SSBP2: variants seen among roughly 807,000 people sequenced by gnomAD.
SSBP2 encodes single-stranded DNA-binding protein 2.
Under a neutral mutation model 61.8 loss-of-function variants are expected in SSBP2, and 17 were observed. The observed-to-expected ratio is 0.28, with a 90% confidence interval of 0.19 to 0.41. SSBP2 has a LOEUF of 0.41. SSBP2 is among the 10% of genes least tolerant of loss of function. The pLI is 1.00. For missense variants in SSBP2, 310 were observed against 458.7 expected, an observed-to-expected ratio of 0.68 and a Z score of 2.96; for synonymous variants, 139 against 141.3, an observed-to-expected ratio of 0.98 and a Z score of 0.12.
intron 6 of SSBP2, among the ~76,000 whole-genome samples, chr5:81,478,172 AT>A (rs1246515472): frequency 6.6e-6 from 1 of 151,800 alleles, no homozygotes; most frequent in African/African-American, 2.4e-5. Context: ...ACTTTTTTTT[AT>A]TTTTTAGAGA....
chr5:81,499,670 A>T (rs181683299), intron 5 of SSBP2, among the ~76,000 whole-genome samples: 54 of 152,356 alleles, frequency 3.5e-4, no homozygotes, highest in African/African-American at 1.2e-3. Context: ...AAAAAATAAC[A>T]GTTTGGGTAA....
intron 4 of SSBP2, among the ~76,000 whole-genome samples, chr5:81,584,410 C>T (rs1774912257): frequency 6.6e-6 from 1 of 152,164 alleles, no homozygotes; most frequent in African/African-American, 2.4e-5. Context: ...TAACTCTTAT[C>T]AGTACAAAGA....
intron 4 of SSBP2, among the ~76,000 whole-genome samples, chr5:81,602,444 GA>G (rs957362079): frequency 1.3e-5 from 2 of 152,080 alleles, no homozygotes; most frequent in Admixed American, 1.3e-4. Flanking sequence ...ATTATTAGAA[GA>G]CCTTTTGTTT....
At chr5:81,738,863 G>A (rs1170842155) in intron 1 of SSBP2, among the ~76,000 whole-genome samples, 2 of 152,028 alleles carry the variant, frequency 1.3e-5, no homozygotes, top group Non-Finnish European at 2.9e-5. Flanking sequence ...TAACTTTTCT[G>A]CTTAAAATTG....
intron 4 of SSBP2, among the ~76,000 whole-genome samples, chr5:81,613,733 G>A (rs1745687000): frequency 6.6e-6 from 1 of 152,116 alleles, no homozygotes; most frequent in African/African-American, 2.4e-5. Flanking sequence ...TGACTGACAG[G>A]CCAAATCAAG....
At chr5:81,485,359 T>C (rs1281824790) in intron 6 of SSBP2, among the ~76,000 whole-genome samples, 1 of 152,214 alleles carries the variant, frequency 6.6e-6, no homozygotes, top group Admixed American at 6.5e-5. Flanking sequence ...CATTATATCA[T>C]ATTCCAATAC....
intron 1 of SSBP2, among the ~76,000 whole-genome samples, chr5:81,688,034 G>A (rs996669916): frequency 6.6e-5 from 10 of 152,118 alleles, no homozygotes; most frequent in African/African-American, 2.4e-4. Flanking sequence ...CCACAGTAGG[G>A]TACCTGCTTG....
chr5:81,615,809 T>C (rs1012704203), intron 3 of SSBP2, among the ~76,000 whole-genome samples: 9 of 152,214 alleles, frequency 5.9e-5, no homozygotes, highest in African/African-American at 1.9e-4. Context: ...AAATTGTCAT[T>C]CTTATAACTG....
chr5:81,663,370 T>G (rs551379119), intron 1 of SSBP2, among the ~76,000 whole-genome samples: 20 of 152,360 alleles, frequency 1.3e-4, no homozygotes, highest in Non-Finnish European at 2.1e-4. Context: ...TAAAATGGTC[T>G]TATTTTTAAT....
intron 1 of SSBP2, among the ~76,000 whole-genome samples, chr5:81,692,053 A>G (rs1418684264): frequency 6.6e-6 from 1 of 152,232 alleles, no homozygotes; most frequent in Non-Finnish European, 1.5e-5. Flanking sequence ...CAAACTGGAA[A>G]GAAATAAATC....
At chr5:81,642,909 T>TAC (rs974852340) in intron 2 of SSBP2, among the ~76,000 whole-genome samples, 6 of 152,168 alleles carry the variant, frequency 3.9e-5, no homozygotes, top group Non-Finnish European at 8.8e-5. Flanking sequence ...TATACAGGTA[T>TAC]ACACACACAC....
Position 81,694,852 on chromosome 5 carries a change from T to C in SSBP2, c.63-44513A>G, listed in dbSNP as rs538244501. ...TAACTAGCTGGGCATGGTACATTCC[T>C]GTACGACTAGAAGTACAAGGCACAT... On this transcript the variant is annotated intron_variant, in intron 1 of 16. Transcript: ENST00000320672. Among the ~76,000 whole-genome samples, 9 of 152,330 alleles carry C rather than the reference T, an allele frequency of 5.9e-5. No individual in the cohort carries two copies. In the East Asian group the frequency reaches 1.7e-3, roughly 29 times the overall value.
chr5:81,649,039 G>GT (rs1749511228), intron 2 of SSBP2, among the ~76,000 whole-genome samples: 1 of 151,902 alleles, frequency 6.6e-6, no homozygotes, highest in African/African-American at 2.4e-5. Flanking sequence ...TATATGGCTA[G>GT]TATTTACCAT....
At chr5:81,437,654 G>T in intron 14 of SSBP2, 196 bp from the exon 15 acceptor site, 2 of 384,306 alleles carry the variant, frequency 5.2e-6, no homozygotes, top group South Asian at 6.7e-5. Flanking sequence ...AATGCAAGGA[G>T]TTCTATCCTT....
At chr5:81,519,001 G>A (rs1456417692) in intron 4 of SSBP2, among the ~76,000 whole-genome samples, 1 of 151,926 alleles carries the variant, frequency 6.6e-6, no homozygotes, top group Non-Finnish European at 1.5e-5. Context: ...AATTATATTT[G>A]GTAATATTTT....
At chr5:81,496,186 C>CT (rs963017663) in intron 5 of SSBP2, among the ~76,000 whole-genome samples, 43 of 147,706 alleles carry the variant, frequency 2.9e-4, no homozygotes, top group Admixed American at 6.8e-4. Flanking sequence ...AGTTTTAAAA[C>CT]TTTTTTTTTT....
chr5:81,740,441 GA>G (rs1454071375), intron 1 of SSBP2, among the ~76,000 whole-genome samples: 4 of 151,960 alleles, frequency 2.6e-5, no homozygotes, highest in African/African-American at 9.6e-5. Context: ...ATAATGATGT[GA>G]AAAAAATAAA....
intron 1 of SSBP2, among the ~76,000 whole-genome samples, chr5:81,719,674 G>C (rs1755416084): frequency 6.6e-6 from 1 of 152,170 alleles, no homozygotes; most frequent in Admixed American, 6.6e-5. Flanking sequence ...CTAGGAGGAG[G>C]AGGCATGCCA....
intron 8 of SSBP2, among the ~76,000 whole-genome samples, chr5:81,467,409 T>C (rs72773012): frequency 6.1e-4 from 93 of 152,124 alleles, no homozygotes; most frequent in Non-Finnish European, 1.2e-3. Context: ...GATTCAATGT[T>C]TGAAATTGTC....
Sources: allele counts gnomAD v4.1 joint callset (sites outside exome capture counted in the v4.1 genomes callset), GRCh38; gene constraint gnomAD v4.1.1; transcripts MANE v1.5; gene names NCBI Gene and HGNC (gene_info 2026-07-23, HGNC 2026-07-21).